Variants in SNTG1 observed in about 807,000 individuals in gnomAD.
SNTG1 encodes gamma-1-syntrophin.
In SNTG1, 39 loss-of-function variants were observed where a neutral mutation model predicts 74.7. That is an observed-to-expected ratio of 0.52 (90% CI 0.40 to 0.68). The LOEUF is 0.68. Ranked by LOEUF, SNTG1 falls within the 30% of genes least tolerant of loss-of-function variation. The probability of loss-of-function intolerance (pLI) is 0.00; values close to 1 mark genes in which losing one functional copy is unlikely to be tolerated. For synonymous variants in SNTG1, 254 were observed against 217.1 expected (o/e 1.17, Z -1.49); for missense variants, 685 against 609.5 (o/e 1.12, Z -1.30).
intron 1 of SNTG1, among the ~76,000 whole-genome samples, chr8:50,005,219 A>G (rs1163822352): frequency 6.6e-6 from 1 of 152,144 alleles, no homozygotes; most frequent in Non-Finnish European, 1.5e-5. Context: ...CTAAACTAGA[A>G]AACAAGGAAA....
chr8:50,124,529 G>GA (rs1200559107), intron 1 of SNTG1, among the ~76,000 whole-genome samples: 1 of 142,332 alleles, frequency 7.0e-6, no homozygotes, highest in African/African-American at 2.5e-5. Flanking sequence ...AAAGATTAAC[G>GA]TTGCATATTA....
intron 12 of SNTG1, among the ~76,000 whole-genome samples, chr8:50,567,442 A>G (rs1402387258): frequency 6.6e-6 from 1 of 152,056 alleles, no homozygotes; most frequent in African/African-American, 2.4e-5. Flanking sequence ...GTTTATTTAG[A>G]TATATTTTGT....
rs2131310921 is a variant in SNTG1, at chr8:50,394,278, C to A, written c.27+13C>A. The A allele has an allele frequency of 6.2e-7, 1 of 1,610,588 alleles. No homozygotes were observed. Among genetic ancestry groups the A allele is most frequent in the South Asian group, 1.1e-5 (1 of 90,650 alleles). On this transcript the variant is annotated intron_variant, in intron 3 of 18. Transcript: ENST00000642720. ...CGCCTGTGAGGAGGTGAGTACAGAG[C>A]TTTCTGCTTTTCAAACAGGGAAAAC... is the stretch of plus-strand genomic sequence containing the variant.
intron 9 of SNTG1, among the ~76,000 whole-genome samples, chr8:50,528,913 A>G (rs1486190636): frequency 6.7e-6 from 1 of 148,526 alleles, no homozygotes; most frequent in African/African-American, 2.5e-5. Flanking sequence ...AATTTTTCCC[A>G]GTTTTATTTT....
At chr8:50,438,636 T>A in intron 5 of SNTG1, 37 bp downstream of exon 5, 1 of 1,543,990 alleles carries the variant, frequency 6.5e-7, no homozygotes, top group African/African-American at 1.4e-5. Context: ...ACAAAGGCCA[T>A]GCCATAAGAG....
At chr8:50,689,143 AT>A (rs1274445603) in intron 15 of SNTG1, among the ~76,000 whole-genome samples, 1 of 150,584 alleles carries the variant, frequency 6.6e-6, no homozygotes, top group Non-Finnish European at 1.5e-5. Flanking sequence ...GCTTAAGGAG[AT>A]TTTGGGCTGA....
At chr8:49,927,395 G>C (rs1448489780) in intron 1 of SNTG1, among the ~76,000 whole-genome samples, 2 of 152,030 alleles carry the variant, frequency 1.3e-5, no homozygotes, top group Non-Finnish European at 2.9e-5. Context: ...GGTACTTCCA[G>C]GTAAGGGAAT....
At chr8:50,267,578 G>T (rs2087546832) in intron 2 of SNTG1, among the ~76,000 whole-genome samples, 1 of 152,098 alleles carries the variant, frequency 6.6e-6, no homozygotes, top group Non-Finnish European at 1.5e-5. Context: ...AAGTGCTGCA[G>T]CCATATGAAA....
intron 10 of SNTG1, among the ~76,000 whole-genome samples, chr8:50,535,575 A>G (rs563919377): frequency 6.6e-6 from 1 of 152,304 alleles, no homozygotes; most frequent in East Asian, 1.9e-4. Context: ...ACCCCTCACT[A>G]AGTGATCTTA....
At chr8:50,275,427 T>C (rs1389193689) in intron 2 of SNTG1, among the ~76,000 whole-genome samples, 1 of 152,216 alleles carries the variant, frequency 6.6e-6, no homozygotes, top group African/African-American at 2.4e-5. Flanking sequence ...ATATTTCTTT[T>C]CCTCTTCTAG....
chr8:50,467,803 C>T (rs952979371), intron 8 of SNTG1, among the ~76,000 whole-genome samples: 1 of 151,796 alleles, frequency 6.6e-6, no homozygotes, highest in Admixed American at 6.6e-5. Context: ...ACTGCTTTGC[C>T]TGCATGTCAC....
chr8:50,447,677 A>T (rs2131609971), intron 5 of SNTG1, among the ~76,000 whole-genome samples: 1 of 152,336 alleles, frequency 6.6e-6, no homozygotes, highest in Middle Eastern at 3.4e-3. Context: ...TGCACAAAAC[A>T]AACTACCAAA....
chr8:50,423,628 G>A (rs2093124232), intron 4 of SNTG1, among the ~76,000 whole-genome samples: 2 of 152,164 alleles, frequency 1.3e-5, no homozygotes. Context: ...TATTCACAAA[G>A]GCAGTATTTT....
intron 1 of SNTG1, among the ~76,000 whole-genome samples, chr8:50,125,228 C>T (rs1586379669): frequency 7.0e-6 from 1 of 142,210 alleles, no homozygotes; most frequent in African/African-American, 2.5e-5. Context: ...AATGGCTCCT[C>T]TAAATGTGAA....
intron 1 of SNTG1, among the ~76,000 whole-genome samples, chr8:50,074,675 A>C (rs777590821): frequency 3.9e-5 from 6 of 152,222 alleles, no homozygotes; most frequent in Non-Finnish European, 8.8e-5. Flanking sequence ...TATTGCTAGA[A>C]TTACCAAAAT....
chr8:49,967,733 C>T (rs1050263822), intron 1 of SNTG1, among the ~76,000 whole-genome samples: 1 of 152,142 alleles, frequency 6.6e-6, no homozygotes, highest in Admixed American at 6.5e-5. Flanking sequence ...TTAATTATCA[C>T]TGAAAGTGAG....
intron 3 of SNTG1, among the ~76,000 whole-genome samples, chr8:50,400,514 T>C (rs2092789508): frequency 6.6e-6 from 1 of 152,194 alleles, no homozygotes; most frequent in Non-Finnish European, 1.5e-5. Context: ...TTCATTTCCT[T>C]TGGATATATA....
At chr8:50,754,045 A>C (rs1261024962) in intron 18 of SNTG1, among the ~76,000 whole-genome samples, 1 of 151,970 alleles carries the variant, frequency 6.6e-6, no homozygotes, top group African/African-American at 2.4e-5. Context: ...TGACATAAAA[A>C]TTGTGTAAGA....
Position 50,126,884 on chromosome 8 carries a change from T to A in SNTG1, c.-102-45677T>A, listed in dbSNP as rs1028278567. Among the ~76,000 whole-genome samples, 7 of 152,164 alleles carry A rather than the reference T, an allele frequency of 4.6e-5. No homozygotes were observed. The East Asian group carries it at 1.4e-3, about 29-fold the overall frequency. On this transcript the variant is annotated intron_variant, in intron 1 of 18. Coordinates refer to ENST00000642720, the MANE Select transcript of SNTG1 (RefSeq NM_018967.5). ...TCCACAAAGTGGTAGTGAAGGTGAG[T>A]ACCAGGTTCCACAAAGTGGAGAGGT...
Sources: allele counts gnomAD v4.1 joint callset (sites outside exome capture counted in the v4.1 genomes callset), GRCh38; gene constraint gnomAD v4.1.1; transcripts MANE v1.5; gene names NCBI Gene and HGNC (gene_info 2026-07-23, HGNC 2026-07-21).